The following ACOX2 variants were observed in gnomAD, a reference collection of about 807,000 sequenced individuals.
The protein encoded by ACOX2 is acyl-CoA oxidase 2, also known as peroxisomal acyl-coenzyme A oxidase 2.
In ACOX2, 59 loss-of-function variants were observed where a neutral mutation model predicts 77.5. The observed-to-expected ratio is 0.76, with a 90% CI of 0.62 to 0.95. The LOEUF is 0.95. Ranked by LOEUF, ACOX2 falls within the 40% of genes least tolerant of loss-of-function variation. ACOX2 has a pLI of 0.00. For missense variants in ACOX2, 837 were observed against 880.4 expected, an observed-to-expected ratio of 0.95 and a Z score of 0.62; for synonymous variants, 317 against 340.1, an observed-to-expected ratio of 0.93 and a Z score of 0.75.
rs1259764229 is a variant in ACOX2 at position 58,531,274 on chromosome 3, TCTCC to T, written c.792_795del (p.Glu265ThrfsTer3). 6.2e-7 allele frequency: 1 copy of T among 1,613,070 alleles called. No individual in the cohort carries two copies. Among genetic ancestry groups the T allele is most frequent in the Admixed American group, 1.7e-5 (1 of 60,020 alleles). Reference sequence around the variant, plus strand: ...ACCTGTGCAAAGCGACTCAGCATGTTCTCCCTGGGGACCCGCACATGGTTCAGCT... The same window carrying T: ...ACCTGTGCAAAGCGACTCAGCATGTTCTGGGGACCCGCACATGGTTCAGCT... On this transcript the variant is annotated frameshift_variant, in exon 7 of 15. Transcript: ENST00000302819. LOFTEE classifies it high-confidence loss of function. This position sits in a 1 kb window ranked among gnomAD's most constrained non-coding sequence, Gnocchi z 5.8.
chr3:58,527,849 C>T (rs1307843781), intron 9 of ACOX2, among the ~76,000 whole-genome samples: 1 of 144,818 alleles, frequency 6.9e-6, no homozygotes, highest in Non-Finnish European at 1.5e-5. Flanking sequence ...TGTGCTACCA[C>T]ACCTGACTAA....
At position 58,530,573 on chromosome 3, in the gene ACOX2, C is replaced by T; in HGVS notation, c.885G>A (p.Val295=). Residue 295 remains valine, a synonymous_variant, in exon 8 of 15, where the codon GTG becomes GTA. Coordinates refer to ENST00000302819, the MANE Select transcript of ACOX2 (RefSeq NM_003500.4). ...CCCCTGACAGCAGCTCCACCCGCACCACCACCATGGGAAGGTAGTTGCTCT... is the reference window on the plus strand; with the variant it reads ...CCCCTGACAGCAGCTCCACCCGCACTACCACCATGGGAAGGTAGTTGCTCT... ...TAQSNYLPMV[V]VRVELLSGEI... is the part of the protein sequence containing the mutation. 6.2e-7 allele frequency: 1 copy of T among 1,614,258 alleles called. No individual in the cohort carries two copies. The highest frequency in any genetic ancestry group is 1.6e-4 in the Middle Eastern group (1 of 6,062).
intron 13 of ACOX2, among the ~76,000 whole-genome samples, chr3:58,516,968 G>A (rs909054195): frequency 1.3e-5 from 2 of 152,200 alleles, no homozygotes; most frequent in Admixed American, 6.5e-5. Flanking sequence ...CCTTGACAAT[G>A]TAAAGAGTTC....
chr3:58,532,321 TTCTC>T (rs562668641), intron 5 of ACOX2, among the ~76,000 whole-genome samples: 2 of 152,114 alleles, frequency 1.3e-5, no homozygotes, highest in African/African-American at 2.4e-5. Flanking sequence ...GTCATTTATT[TTCTC>T]TCTCTCTTTC....
intron 13 of ACOX2, among the ~76,000 whole-genome samples, chr3:58,516,431 T>A (rs961079411): frequency 6.6e-6 from 1 of 152,222 alleles, no homozygotes; most frequent in Non-Finnish European, 1.5e-5. Context: ...AGCCTGAATT[T>A]CCTTTCCAAT....
Position 58,528,793 on chromosome 3 carries a change from C to T in ACOX2, c.1155+1G>A, listed in dbSNP as rs745670547. On this transcript the variant is annotated splice_donor_variant, in intron 9 of 14. Coordinates refer to ENST00000302819, the MANE Select transcript of ACOX2 (RefSeq NM_003500.4). LOFTEE classifies it high-confidence loss of function. This position sits in a 1 kb window ranked among gnomAD's most constrained non-coding sequence, Gnocchi z 5.6. The stretch of plus-strand genomic sequence containing the variant: ...CCTGCCCCTCCGCAGACAGCAGGTA[C>T]CTCAGGCAGGAAGCTGAAGTCTTGG... The T allele has an allele frequency of 1.2e-6, 2 of 1,606,484 alleles. No homozygotes were observed. Among genetic ancestry groups the T allele is most frequent in the East Asian group, 2.2e-5 (1 of 44,628 alleles).
chr3:58,506,038 G>A (rs1302214334), intron 14 of ACOX2, among the ~76,000 whole-genome samples: 2 of 152,090 alleles, frequency 1.3e-5, no homozygotes, highest in African/African-American at 2.4e-5. Context: ...TGATCCACCC[G>A]CCTCAGCCTC....
At chr3:58,510,668 AT>A (rs1560209696) in intron 13 of ACOX2, among the ~76,000 whole-genome samples, 4 of 7,392 alleles carry the variant, frequency 5.4e-4, no homozygotes, top group African/African-American at 6.4e-4. Flanking sequence ...AAAAAAATAT[AT>A]ATATATATAT....
Position 58,532,022 on chromosome 3 carries a change from G to GC in ACOX2, c.584-211dup, listed in dbSNP as rs370759343. 3.0e-3 allele frequency among the ~76,000 whole-genome samples: 447 copies of GC among 150,308 alleles called. 3 individuals are homozygous for GC. Among genetic ancestry groups the GC allele is most frequent in the South Asian group, 0.015 (69 of 4,756 alleles). On this transcript the variant is annotated intron_variant, in intron 5 of 14. Transcript: ENST00000302819. ...TGTGAAATGATCCAGCTTTTTTTTTGCCCCCCCCAACTATTAATGAATTAC... is the reference window on the plus strand; with the variant it reads ...TGTGAAATGATCCAGCTTTTTTTTTGCCCCCCCCCAACTATTAATGAATTAC...
chr3:58,506,762 A>G (rs1163366027), intron 14 of ACOX2, among the ~76,000 whole-genome samples: 10 of 152,332 alleles, frequency 6.6e-5, no homozygotes, highest in Non-Finnish European at 1.2e-4. Flanking sequence ...ACTGCATTTC[A>G]GCCTGGATGA....
At position 58,505,139 on chromosome 3, in the gene ACOX2, A is replaced by G; in HGVS notation, c.*85T>C. 9.1e-7 allele frequency: 1 copy of G among 1,096,510 alleles called. No individual in the cohort carries two copies. The highest frequency in any genetic ancestry group is 1.3e-6 in the Non-Finnish European group (1 of 744,438). The allele number at this position is 1,096,510 out of a possible 1,614,324, so 67.9% of individuals were successfully genotyped here. A position where few individuals can be genotyped will look rare whatever the true frequency, so the allele number is the denominator to read the frequency against. On this transcript the variant is annotated 3_prime_UTR_variant, in exon 15 of 15. Coordinates refer to ENST00000302819, the MANE Select transcript of ACOX2 (RefSeq NM_003500.4). This position sits in a 1 kb window ranked among gnomAD's most constrained non-coding sequence, Gnocchi z 4.4. ...TAATGACTCTAAAACATAAATATCT[A>G]ATTTAAAATTTTAATGTTGCATATA...
chr3:58,510,703 TATATATACACACACACAC>T (rs2063279250), intron 13 of ACOX2, among the ~76,000 whole-genome samples: 1 of 4,512 alleles, frequency 2.2e-4, no homozygotes, highest in African/African-American at 5.9e-4. Flanking sequence ...TATATATATA[TATATATACACACACACAC>T]ACACACACAC....
rs1286135660 is a variant in ACOX2 at position 58,521,524 on chromosome 3, C to T, written c.1632+972G>A. ...TCTGATCTACCCACTTGTCTCCAGG[C>T]CTTCTGCCATGCTCATGGTCAGGAC... On this transcript the variant is annotated intron_variant, in intron 12 of 14. Coordinates refer to ENST00000302819, the MANE Select transcript of ACOX2 (RefSeq NM_003500.4). This position sits in a 1 kb window ranked among gnomAD's most constrained non-coding sequence, Gnocchi z 4.8. Among the ~76,000 whole-genome samples, 1 of 152,210 alleles carries T rather than the reference C, an allele frequency of 6.6e-6. No homozygotes were observed.
intron 7 of ACOX2, among the ~76,000 whole-genome samples, chr3:58,530,923 C>T (rs772924071): frequency 3.9e-5 from 6 of 152,166 alleles, no homozygotes; most frequent in Admixed American, 6.5e-5. Flanking sequence ...ATCTGTTGGG[C>T]GATTGGCTGT....
At chr3:58,511,142 C>T in intron 13 of ACOX2, 2 of 441,062 alleles carry the variant, frequency 4.5e-6, no homozygotes, top group Non-Finnish European at 9.1e-6. Context: ...AGGCTCTCAG[C>T]TCAGGCCTCA....
rs1207072197 is a variant in ACOX2 at position 58,515,011 on chromosome 3, T to C, written c.1850+2195A>G. On this transcript the variant is annotated intron_variant, in intron 13 of 14. Transcript: ENST00000302819. The surrounding 1 kb of genome is among the most constrained non-coding windows in gnomAD (Gnocchi z 4.0). ...ACGTATTTTTGACAGTTTTTGATGA[T>C]TTAACTGAACAAACTTTTTTTTTTT... 4.6e-5 allele frequency among the ~76,000 whole-genome samples: 7 copies of C among 152,150 alleles called. No homozygotes were observed. Among genetic ancestry groups the C allele is most frequent in the Non-Finnish European group, 1.0e-4 (7 of 68,038 alleles).
chr3:58,516,736 G>C (rs1391131616), intron 13 of ACOX2, among the ~76,000 whole-genome samples: 2 of 152,088 alleles, frequency 1.3e-5, no homozygotes, highest in African/African-American at 4.8e-5. Context: ...TACTTGGGAG[G>C]CTGAAGCAGG....
chr3:58,511,890 C>T (rs1285226625), intron 13 of ACOX2, among the ~76,000 whole-genome samples: 1 of 152,188 alleles, frequency 6.6e-6, no homozygotes, highest in African/African-American at 2.4e-5. Flanking sequence ...TGTTTTTACT[C>T]CCACCACTCC....
In ACOX2 at chr3:58,505,406, A is replaced by T; in HGVS notation, c.1984-120T>A. 1.2e-6 allele frequency: 1 copy of T among 813,912 alleles called. No individual in the cohort carries two copies. The allele number at this position is 813,912 out of a possible 1,614,324, so 50.4% of individuals were successfully genotyped here. Reference sequence around the variant, plus strand: ...ACATTACGTAAGATTCTTAATTTTAAAAATTATTTCTAAGACTCATTTTGT... The same window carrying T: ...ACATTACGTAAGATTCTTAATTTTATAAATTATTTCTAAGACTCATTTTGT... On this transcript the variant is annotated intron_variant, in intron 14 of 14. Transcript: ENST00000302819. This position sits in a 1 kb window ranked among gnomAD's most constrained non-coding sequence, Gnocchi z 4.4.
Sources: gnomAD v4.1 joint callset for allele counts (sites outside exome capture counted in the v4.1 genomes callset) on GRCh38, gnomAD v4.1.1 for gene constraint, Gnocchi (gnomAD v3.1) non-coding constraint, MANE v1.5 for transcripts, NCBI Gene and HGNC (gene_info 2026-07-23, HGNC 2026-07-21) for gene names.